The following ARAP3 variants were observed in gnomAD, a reference collection of about 807,000 sequenced individuals.
ARAP3 encodes ArfGAP with RhoGAP domain, ankyrin repeat and PH domain 3, also known as arf-GAP with Rho-GAP domain, ANK repeat and PH domain-containing protein 3.
In ARAP3, 82 loss-of-function variants were observed where a neutral mutation model predicts 169.2. The ratio of observed to expected loss-of-function variants is 0.48; its 90% CI spans 0.41 to 0.58. The LOEUF is 0.58. Among genes scored for constraint, ARAP3 ranks in the 20% least tolerant of loss-of-function variants. The probability of loss-of-function intolerance (pLI) is 0.00; values close to 1 mark genes in which losing one functional copy is unlikely to be tolerated. For missense variants in ARAP3, 1,764 were observed against 2,018.0 expected (o/e 0.87, Z 2.41); for synonymous variants, 791 against 800.3 (o/e 0.99, Z 0.20).
chr5:141,674,442 G>C (rs1261060133), intron 4 of ARAP3, among the ~76,000 whole-genome samples: 2 of 152,014 alleles, frequency 1.3e-5, no homozygotes, highest in Non-Finnish European at 2.9e-5. Context: ...ATTTTTAGTA[G>C]AGATGAGGTC....
rs190295679 is a variant in ARAP3 at position 141,659,354 on chromosome 5, T to C, written c.3336+54A>G. On this transcript the variant is annotated intron_variant, in intron 23 of 32. Transcript: ENST00000239440. The stretch of plus-strand genomic sequence containing the variant: ...TCAACTGGGCAGAAAGTCAGCTTCC[T>C]GTCCTGATGTCTCCTCCTGCCCCAT... 2.8e-3 allele frequency: 4,275 copies of C among 1,544,884 alleles called. 11 individuals carry two copies. Among genetic ancestry groups the C allele is most frequent in the Non-Finnish European group, 3.4e-3 (3,824 of 1,117,620 alleles).
chr5:141,669,185 A>G (rs1383879980), intron 16 of ARAP3, among the ~76,000 whole-genome samples: 1 of 152,142 alleles, frequency 6.6e-6, no homozygotes, highest in African/African-American at 2.4e-5. Flanking sequence ...CTCAAATCCC[A>G]GGATGTCTGA....
At chr5:141,669,473 G>T (rs80330498) in intron 16 of ARAP3, among the ~76,000 whole-genome samples, 1 of 152,134 alleles carries the variant, frequency 6.6e-6, no homozygotes, top group East Asian at 1.9e-4. Flanking sequence ...AAGTGAATTC[G>T]TAAACTCTAA....
At chr5:141,666,828 G>A in intron 16 of ARAP3, 185 bp from the exon 17 acceptor site, 1 of 414,616 alleles carries the variant, frequency 2.4e-6, no homozygotes, top group Non-Finnish European at 4.2e-6. Context: ...GACATGAGAT[G>A]GTTGGAGAAA....
chr5:141,672,695 G>C lies in ARAP3; in HGVS notation c.1279-37C>G, dbSNP rs1011525432. The stretch of plus-strand genomic sequence containing the variant: ...AGGGGGTGGGCATCATGAGGTGCCA[G>C]AAGGGACTAGTTCAGGCCCCTCAGC... On this transcript the variant is annotated intron_variant, in intron 8 of 32. Transcript: ENST00000239440. This position sits in a 1 kb window ranked among gnomAD's most constrained non-coding sequence, Gnocchi z 4.9. 1 of 1,614,060 alleles carries C rather than the reference G, an allele frequency of 6.2e-7. No individual in the cohort carries two copies. The highest frequency in any genetic ancestry group is 2.2e-5 in the East Asian group (1 of 44,874).
At chr5:141,669,838 A>C (rs2099911191) in intron 15 of ARAP3, 27 bp from the exon 16 acceptor site, 1 of 1,613,304 alleles carries the variant, frequency 6.2e-7, no homozygotes, top group African/African-American at 1.3e-5. Context: ...GTCAGGGAGG[A>C]GGATGGGACC....
Position 141,656,792 on chromosome 5 carries a change from T to C in ARAP3, c.3581A>G (p.Gln1194Arg), listed in dbSNP as rs1185996494. ...KVLEQALQWC[Q>R]LPEPCSASLL... ...GGAAGCTGAGCAGGGCTCTGGGAGC[T>C]GGCACCATTGTAAAGCCTGCTCTAA... The change falls in exon 26 of 33, where the codon CAG becomes CGG. Residue 1194 changes from glutamine to arginine, a missense_variant. Physicochemically the swap from Gln to Arg is conservative, Grantham distance 43. Around this residue, in one of 3 missense-constraint regions of ARAP3, gnomAD observed 1,112 missense variants for 1,285.7 expected, o/e 0.86. Transcript: ENST00000239440. 1.9e-6 allele frequency: 3 copies of C among 1,612,842 alleles called. No individual in the cohort carries two copies. Among genetic ancestry groups the C allele is most frequent in the Non-Finnish European group, 1.7e-6 (2 of 1,179,496 alleles).
chr5:141,655,995 C>A lies in ARAP3; in HGVS notation c.3909-63G>T, dbSNP rs1403073734. 3 of 1,613,662 alleles carry A rather than the reference C, an allele frequency of 1.9e-6. No homozygotes were observed. The South Asian group carries it at 3.3e-5, about 18-fold the overall frequency. On this transcript the variant is annotated intron_variant, in intron 29 of 32. Transcript: ENST00000239440. The stretch of plus-strand genomic sequence containing the variant: ...GTCACAGCTATAGGAATGGAGCATA[C>A]AAAGAGGGAAGAGAAAAGACAGGGT...
intron 32 of ARAP3, 50 bp downstream of exon 32, chr5:141,655,312 G>A: frequency 6.4e-7 from 1 of 1,555,412 alleles, no homozygotes; most frequent in South Asian, 1.2e-5. Flanking sequence ...AGGCAGCACA[G>A]AGGAATACAG....
At chr5:141,679,894 C>T (rs2154599316) in intron 2 of ARAP3, 69 bp downstream of exon 2, 2 of 1,611,216 alleles carry the variant, frequency 1.2e-6, no homozygotes, top group Middle Eastern at 3.3e-4. Context: ...TGCTCCCCGC[C>T]TCCGTCCCCC....
At chr5:141,654,901 A>G (rs1015667478) in intron 32 of ARAP3, among the ~76,000 whole-genome samples, 9 of 151,834 alleles carry the variant, frequency 5.9e-5, no homozygotes, top group African/African-American at 1.5e-4. Context: ...CACCACACCT[A>G]GCTAATTTTG....
chr5:141,679,804 T>G lies in ARAP3; in HGVS notation c.543A>C (p.Gln181His). The G allele has an allele frequency of 6.2e-7, 1 of 1,612,892 alleles. No individual in the cohort carries two copies. Among genetic ancestry groups the G allele is most frequent in the Non-Finnish European group, 8.5e-7 (1 of 1,179,668 alleles). ...AAQDKAPDSS[Q>H]ISAPTPALRP... The stretch of plus-strand genomic sequence containing the variant: ...TGAGGGCAGGGGTGGGGGCAGAGAT[T>G]TGGGAGCTGTCTGGGGCCCTGAAGG... The change falls in exon 3 of 33, where the codon CAA (glutamine) becomes CAC (histidine). Residue 181 changes from glutamine (Q) to histidine (H), a missense_variant. Physicochemically the swap from Gln to His is conservative, Grantham distance 24 (BLOSUM62 0). Coordinates refer to ENST00000239440, the MANE Select transcript of ARAP3 (RefSeq NM_022481.6).
At chr5:141,670,468 C>T in intron 14 of ARAP3, 44 bp downstream of exon 14, 1 of 1,574,250 alleles carries the variant, frequency 6.4e-7, no homozygotes, top group African/African-American at 1.3e-5. Flanking sequence ...CACACCCATC[C>T]ACTTTCTGTC....
At chr5:141,679,410 G>A (rs557541019) in intron 4 of ARAP3, 135 bp downstream of exon 4, 1 of 803,338 alleles carries the variant, frequency 1.2e-6, no homozygotes, top group East Asian at 2.6e-5. Context: ...GGTGGCACTA[G>A]GTCTGTGATA....
intron 4 of ARAP3, among the ~76,000 whole-genome samples, chr5:141,677,985 T>C (rs1469792885): frequency 6.6e-6 from 1 of 151,030 alleles, no homozygotes; most frequent in Non-Finnish European, 1.5e-5. Context: ...TCCTGCTTTG[T>C]TGCCCAGGCT....
intron 16 of ARAP3, among the ~76,000 whole-genome samples, chr5:141,668,880 G>C (rs918259841): frequency 3.3e-5 from 5 of 152,210 alleles, no homozygotes; most frequent in African/African-American, 1.2e-4. Context: ...GCTGCAAGGG[G>C]TCAAAGGGGA....
At chr5:141,659,638 G>A (rs1051510846) in intron 22 of ARAP3, 141 bp downstream of exon 22, 3 of 1,356,066 alleles carry the variant, frequency 2.2e-6, no homozygotes, top group South Asian at 1.3e-5. Context: ...GAAGGGCCAG[G>A]GCTCTGGGAG....
Position 141,673,078 on chromosome 5 carries a change from C to T in ARAP3, c.1028G>A (p.Ser343Asn), listed in dbSNP as rs767286103. Residue 343 changes from serine to asparagine, a missense_variant, in exon 7 of 33, where the codon AGC becomes AAC. Around this residue, in one of 3 missense-constraint regions of ARAP3, gnomAD observed 630 missense variants for 678.7 expected, o/e 0.93. Transcript: ENST00000239440. Reference protein sequence around the residue: ...PLTAIEMTRSSKDNKFQVITG... With the variant: ...PLTAIEMTRSNKDNKFQVITG... ...GATGACCTGGAACTTGTTGTCCTTG[C>T]TGCTGCGGGTCATCTCAATGGCAGT... The T allele has an allele frequency of 5.0e-6, 8 of 1,614,192 alleles. No homozygotes were observed. The South Asian group carries it at 7.7e-5, about 16-fold the overall frequency.
intron 16 of ARAP3, among the ~76,000 whole-genome samples, chr5:141,669,392 G>A (rs1008177507): frequency 1.3e-5 from 2 of 152,198 alleles, no homozygotes; most frequent in East Asian, 1.9e-4. Context: ...GGTTTGGGCC[G>A]TGAGCTTTGC....
Sources: gnomAD v4.1 joint callset for allele counts (sites outside exome capture counted in the v4.1 genomes callset) on GRCh38, gnomAD v4.1.1 for gene constraint, gnomAD v4.1.1 regional missense constraint, Gnocchi (gnomAD v3.1) non-coding constraint, MANE v1.5 for transcripts, NCBI Gene and HGNC (gene_info 2026-07-23, HGNC 2026-07-21) for gene names.